PDE4D: variants seen among roughly 807,000 people sequenced by gnomAD.
PDE4D encodes phosphodiesterase 4D.
In PDE4D, 24 loss-of-function variants were observed where a neutral mutation model predicts 87.4. The observed-to-expected ratio is 0.27, with a 90% CI of 0.20 to 0.39. The LOEUF is 0.39. Among genes scored for constraint, PDE4D ranks in the 10% least tolerant of loss-of-function variants. The pLI is 1.00. For synonymous variants in PDE4D, 384 were observed against 383.2 expected (o/e 1.00, Z -0.02); for missense variants, 714 against 1,041.0 (o/e 0.69, Z 4.32).
At chr5:60,365,532 T>C (rs1018824091) in intron 1 of PDE4D, among the ~76,000 whole-genome samples, 6 of 152,196 alleles carry the variant, frequency 3.9e-5, no homozygotes, top group Non-Finnish European at 8.8e-5. Flanking sequence ...CAAGCCTTTT[T>C]TGGTACTAAA....
chr5:59,204,677 T>C (rs140219578), intron 2 of PDE4D, among the ~76,000 whole-genome samples: 77 of 151,792 alleles, frequency 5.1e-4, no homozygotes, highest in Non-Finnish European at 1.2e-4. Flanking sequence ...AGCGAAAGAG[T>C]TGAGTACATG....
intron 2 of PDE4D, among the ~76,000 whole-genome samples, chr5:60,174,503 G>A (rs1050956646): frequency 1.3e-5 from 2 of 151,946 alleles, no homozygotes; most frequent in East Asian, 1.9e-4. Flanking sequence ...GGCAATAGAG[G>A]TGTTGGTCTT....
intron 2 of PDE4D, among the ~76,000 whole-genome samples, chr5:60,152,661 A>AG: frequency 6.6e-6 from 1 of 151,896 alleles, no homozygotes; most frequent in East Asian, 1.9e-4. Flanking sequence ...TCAAAAAAAA[A>AG]AAAAAAAAGA....
chr5:59,263,907 G>A (rs1310674934), intron 1 of PDE4D, among the ~76,000 whole-genome samples: 1 of 151,858 alleles, frequency 6.6e-6, no homozygotes, highest in East Asian at 1.9e-4. Flanking sequence ...TTACAGGGGT[G>A]ACCTTTGAAA....
intron 1 of PDE4D, among the ~76,000 whole-genome samples, chr5:60,239,299 T>C (rs1746798295): frequency 6.6e-6 from 1 of 152,120 alleles, no homozygotes; most frequent in Non-Finnish European, 1.5e-5. Context: ...TATTTATTTA[T>C]TGCTGCTCCA....
chr5:60,494,622 G>A (rs1051249035), intron 1 of PDE4D, among the ~76,000 whole-genome samples: 1 of 152,116 alleles, frequency 6.6e-6, no homozygotes, highest in East Asian at 1.9e-4. Flanking sequence ...GCCCACAAAG[G>A]GGCCTAACCT....
At chr5:59,181,542 T>TTATATATATATA (rs1561646068) in intron 4 of PDE4D, among the ~76,000 whole-genome samples, 1 of 59,418 alleles carries the variant, frequency 1.7e-5, no homozygotes, top group Non-Finnish European at 3.5e-5. Flanking sequence ...CAAAGATGTC[T>TTATATATATATA]GATATATATA....
chr5:59,840,396 G>T (rs559588486), intron 1 of PDE4D, among the ~76,000 whole-genome samples: 1 of 151,944 alleles, frequency 6.6e-6, no homozygotes. Context: ...TCCTCTGTAA[G>T]CCTCATGAGA....
intron 1 of PDE4D, among the ~76,000 whole-genome samples, chr5:59,837,206 A>T (rs1742254095): frequency 6.6e-6 from 1 of 152,018 alleles, no homozygotes; most frequent in Non-Finnish European, 1.5e-5. Flanking sequence ...TTTTTCATTT[A>T]TTCAACACAT....
intron 1 of PDE4D, among the ~76,000 whole-genome samples, chr5:60,407,439 T>A (rs568389685): frequency 3.5e-5 from 5 of 143,368 alleles, no homozygotes; most frequent in African/African-American, 1.3e-4. Context: ...CATTTTTTCT[T>A]TTTCCTTTTT....
At chr5:60,047,048 T>G (rs1229240019) in intron 2 of PDE4D, among the ~76,000 whole-genome samples, 1 of 152,220 alleles carries the variant, frequency 6.6e-6, no homozygotes. Flanking sequence ...TTTCAGAGCC[T>G]GTTATTGGTC....
chr5:60,260,134 C>A (rs1443828482), intron 1 of PDE4D, among the ~76,000 whole-genome samples: 1 of 151,950 alleles, frequency 6.6e-6, no homozygotes, highest in Non-Finnish European at 1.5e-5. Context: ...CCACCACCAC[C>A]TATTTTTAAA....
chr5:60,461,453 G>A (rs557077656), intron 1 of PDE4D, among the ~76,000 whole-genome samples: 14 of 152,328 alleles, frequency 9.2e-5, no homozygotes, highest in African/African-American at 2.4e-4. Flanking sequence ...GTTGCCCTGC[G>A]GGCTAGTTCA....
intron 1 of PDE4D, among the ~76,000 whole-genome samples, chr5:59,880,916 A>G (rs1456759014): frequency 6.6e-6 from 1 of 152,162 alleles, no homozygotes; most frequent in Non-Finnish European, 1.5e-5. Context: ...GAAATATTTC[A>G]TGTTTATAAA....
At chr5:59,172,114 T>C (rs1216853698) in intron 5 of PDE4D, among the ~76,000 whole-genome samples, 1 of 78,960 alleles carries the variant, frequency 1.3e-5, no homozygotes, top group Non-Finnish European at 2.2e-5. Context: ...ATATATATAA[T>C]AAATATATAT....
intron 2 of PDE4D, among the ~76,000 whole-genome samples, chr5:60,017,393 C>G (rs944144649): frequency 1.3e-5 from 2 of 152,106 alleles, no homozygotes; most frequent in Non-Finnish European, 2.9e-5. Flanking sequence ...ATCAACTCAT[C>G]ACCTAGGACT....
intron 1 of PDE4D, among the ~76,000 whole-genome samples, chr5:59,341,613 G>T (rs1266198545): frequency 6.6e-6 from 1 of 152,120 alleles, no homozygotes; most frequent in African/African-American, 2.4e-5. Context: ...AGGTATGTAT[G>T]TATATATAAT....
At chr5:60,367,969 T>C (rs1035405086) in intron 1 of PDE4D, among the ~76,000 whole-genome samples, 2 of 152,206 alleles carry the variant, frequency 1.3e-5, no homozygotes, top group African/African-American at 4.8e-5. Context: ...ACGTCATTAC[T>C]GAGCGTTCTT....
chr5:59,949,607 G>A (rs1758090515), intron 3 of PDE4D, among the ~76,000 whole-genome samples: 1 of 152,058 alleles, frequency 6.6e-6, no homozygotes, highest in South Asian at 2.1e-4. Flanking sequence ...ATGACCAAGT[G>A]GGCCTGATTC....
Sources: gnomAD v4.1 joint callset for allele counts (sites outside exome capture counted in the v4.1 genomes callset) on GRCh38, gnomAD v4.1.1 for gene constraint, MANE v1.5 for transcripts, NCBI Gene and HGNC (gene_info 2026-07-23, HGNC 2026-07-21) for gene names.